Variants in ARB2A observed in about 807,000 individuals in gnomAD.
ARB2A encodes the protein cotranscriptional regulator ARB2A.
At chr5:93,911,669 T>A in the ARB2A span, among the ~76,000 whole-genome samples, 1 of 143,202 alleles carries the variant, frequency 7.0e-6, no homozygotes, top group Non-Finnish European at 1.6e-5. Flanking sequence ...CACAAACACA[T>A]TTCATAGAAA....
chr5:93,815,358 T>C, the ARB2A span, among the ~76,000 whole-genome samples: 15 of 152,104 alleles, frequency 9.9e-5, no homozygotes, highest in Admixed American at 3.9e-4. Flanking sequence ...CCAAAGAAGG[T>C]GTTAGACCCA....
At chr5:93,629,427 G>A in the ARB2A span, among the ~76,000 whole-genome samples, 2 of 152,104 alleles carry the variant, frequency 1.3e-5, no homozygotes, top group African/African-American at 4.8e-5. Flanking sequence ...GCGGTAACAG[G>A]CTTGCTTGAC....
chr5:93,699,226 T>G, the ARB2A span, among the ~76,000 whole-genome samples: 2 of 152,164 alleles, frequency 1.3e-5, no homozygotes, highest in Admixed American at 6.6e-5. Flanking sequence ...TTTTAACCAC[T>G]ATCTTAAACA....
At chr5:93,648,361 T>A in the ARB2A span, among the ~76,000 whole-genome samples, 1 of 152,160 alleles carries the variant, frequency 6.6e-6, no homozygotes, top group Non-Finnish European at 1.5e-5. Context: ...TATGCTTGGC[T>A]AAGTTTACAT....
chr5:93,698,759 G>T, the ARB2A span, among the ~76,000 whole-genome samples: 1 of 152,120 alleles, frequency 6.6e-6, no homozygotes, highest in Admixed American at 6.6e-5. Flanking sequence ...TATTTACTGA[G>T]TACAAACTAT....
chr5:94,013,179 T>G, the ARB2A span, among the ~76,000 whole-genome samples: 3 of 149,498 alleles, frequency 2.0e-5, no homozygotes, highest in African/African-American at 4.9e-5. Context: ...AGTTGTTTTT[T>G]TTTTTTTTTT....
At chr5:93,778,547 TTCTC>T in the ARB2A span, among the ~76,000 whole-genome samples, 1 of 152,168 alleles carries the variant, frequency 6.6e-6, no homozygotes, top group Non-Finnish European at 1.5e-5. Context: ...GACTTTCTCT[TTCTC>T]TCTCTTTTTT....
the ARB2A span, among the ~76,000 whole-genome samples, chr5:94,019,763 C>A: frequency 6.6e-6 from 1 of 152,154 alleles, no homozygotes; most frequent in African/African-American, 2.4e-5. Context: ...CCATTTGACC[C>A]AGCAATCCCA....
At chr5:94,066,159 C>T in the ARB2A span, among the ~76,000 whole-genome samples, 1 of 151,874 alleles carries the variant, frequency 6.6e-6, no homozygotes, top group Admixed American at 6.6e-5. Context: ...GAAAACCAAA[C>T]ACGACATACC....
At chr5:93,795,848 CAAA>C in the ARB2A span, among the ~76,000 whole-genome samples, 1 of 96,948 alleles carries the variant, frequency 1.0e-5, no homozygotes. Flanking sequence ...TATTGAAAAG[CAAA>C]AAAAAAAAAA....
chr5:94,046,925 A>C, the ARB2A span, among the ~76,000 whole-genome samples: 1 of 152,236 alleles, frequency 6.6e-6, no homozygotes, highest in Non-Finnish European at 1.5e-5. Context: ...CTAACTTCTA[A>C]GATGTAGGAA....
At chr5:93,958,729 A>G in the ARB2A span, 1 of 1,292,966 alleles carries the variant, frequency 7.7e-7, no homozygotes, top group African/African-American at 1.5e-5. Context: ...ATATAATAAA[A>G]CAGTACTATA....
the ARB2A span, among the ~76,000 whole-genome samples, chr5:93,938,635 A>G: frequency 2.6e-5 from 4 of 152,218 alleles, no homozygotes; most frequent in Admixed American, 6.5e-5. Flanking sequence ...GGGAAAGAAG[A>G]GCAAGTCTGA....
At chr5:93,766,749 C>T in the ARB2A span, among the ~76,000 whole-genome samples, 1 of 152,010 alleles carries the variant, frequency 6.6e-6, no homozygotes, top group Non-Finnish European at 1.5e-5. Context: ...TGTATGTTTA[C>T]TGCAGCACTA....
chr5:93,689,242 A>G, the ARB2A span, among the ~76,000 whole-genome samples: 2 of 152,066 alleles, frequency 1.3e-5, no homozygotes, highest in Non-Finnish European at 2.9e-5. Context: ...ACATAATTTT[A>G]CTCTCACTGA....
At chr5:93,752,966 A>G in the ARB2A span, among the ~76,000 whole-genome samples, 1 of 152,192 alleles carries the variant, frequency 6.6e-6, no homozygotes, top group Non-Finnish European at 1.5e-5. Context: ...GAAAAGTGTA[A>G]AAGTGTTATT....
chr5:93,678,794 C>G, the ARB2A span, among the ~76,000 whole-genome samples: 1 of 150,652 alleles, frequency 6.6e-6, no homozygotes, highest in Non-Finnish European at 1.5e-5. Flanking sequence ...TTTTTCTAAA[C>G]AAAAGTAATG....
chr5:93,941,978 T>C, the ARB2A span, among the ~76,000 whole-genome samples: 1 of 152,190 alleles, frequency 6.6e-6, no homozygotes, highest in East Asian at 1.9e-4. Flanking sequence ...CAAACAGCTA[T>C]TACAGAATGG....
At chr5:93,636,151 T>C in the ARB2A span, among the ~76,000 whole-genome samples, 1 of 152,230 alleles carries the variant, frequency 6.6e-6, no homozygotes, top group African/African-American at 2.4e-5. Flanking sequence ...CTGTATTGCT[T>C]TGACAGACTT....
Sources: allele counts gnomAD v4.1 joint callset (sites outside exome capture counted in the v4.1 genomes callset), GRCh38; gene constraint gnomAD v4.1.1; transcripts MANE v1.5; gene names NCBI Gene and HGNC (gene_info 2026-07-23, HGNC 2026-07-21).